Variants in CDH13 observed in about 807,000 individuals in gnomAD.
CDH13 encodes cadherin-13.
In CDH13, 24 loss-of-function variants were observed where a neutral mutation model predicts 63.8. That is an observed-to-expected ratio of 0.38 (90% CI 0.27 to 0.53). The LOEUF (loss-of-function observed/expected upper bound fraction) is 0.53, where lower values mean the gene tolerates loss of function less well. Ranked by LOEUF, CDH13 falls within the 20% of genes least tolerant of loss-of-function variation. CDH13 has a pLI of 0.85. For synonymous variants in CDH13, 503 were observed against 355.3 expected, an observed-to-expected ratio of 1.42 and a Z score of -4.67; for missense variants, 1,049 against 903.1, an observed-to-expected ratio of 1.16 and a Z score of -2.07.
At chr16:83,239,488 C>T (rs55888754) in intron 5 of CDH13, among the ~76,000 whole-genome samples, 1 of 152,150 alleles carries the variant, frequency 6.6e-6, no homozygotes, top group African/African-American at 2.4e-5. Flanking sequence ...CTTCGCCAGC[C>T]ACCAAGCTGG....
In CDH13 at chr16:82,710,552, AATATATAT is replaced by A. The variant is rs1555537840; in HGVS notation, c.45+83433_45+83440del. Among the ~76,000 whole-genome samples the A allele has an allele frequency of 2.1e-3, 137 of 63,782 alleles. 3 individuals are homozygous for A. The highest frequency in any genetic ancestry group is 5.7e-3 in the African/African-American group (99 of 17,244). 41.8% of individuals were successfully genotyped at this position (63,782 alleles called of 152,430 possible). ...TGTCTCAAAAAAAAAAAAAAAAAAA[AATATATAT>A]ATATATATATATATATAAATATATT... is the stretch of plus-strand genomic sequence containing the variant. On this transcript the variant is annotated intron_variant, in intron 1 of 13. Coordinates refer to ENST00000567109, the MANE Select transcript of CDH13 (RefSeq NM_001257.5).
At chr16:83,166,925 C>T (rs760159557) in intron 4 of CDH13, among the ~76,000 whole-genome samples, 4 of 152,128 alleles carry the variant, frequency 2.6e-5, no homozygotes, top group Non-Finnish European at 5.9e-5. Flanking sequence ...TTGCCTGTTG[C>T]ACCTCACAAT....
chr16:82,872,695 C>T (rs1162634478), intron 2 of CDH13, among the ~76,000 whole-genome samples: 1 of 152,122 alleles, frequency 6.6e-6, no homozygotes, highest in Non-Finnish European at 1.5e-5. Context: ...GGTACAAATG[C>T]TTGCCAGTCA....
At chr16:82,703,014 C>T (rs1306204438) in intron 1 of CDH13, among the ~76,000 whole-genome samples, 1 of 152,132 alleles carries the variant, frequency 6.6e-6, no homozygotes, top group African/African-American at 2.4e-5. Context: ...AGCACACAGC[C>T]AGTGAGTGCT....
chr16:82,966,485 G>C (rs910197173), intron 2 of CDH13, among the ~76,000 whole-genome samples: 1 of 152,202 alleles, frequency 6.6e-6, no homozygotes, highest in Non-Finnish European at 1.5e-5. Flanking sequence ...CTGAGGCTCA[G>C]AGATGCTAAA....
chr16:83,217,595 A>T, intron 5 of CDH13, 98 bp downstream of exon 5: 1 of 1,272,614 alleles, frequency 7.9e-7, no homozygotes. Context: ...GCCTCATCAA[A>T]CCCGGGACTG....
chr16:83,228,348 G>C (rs2039903381), intron 5 of CDH13, among the ~76,000 whole-genome samples: 1 of 152,208 alleles, frequency 6.6e-6, no homozygotes, highest in African/African-American at 2.4e-5. Context: ...TGGCCACTCA[G>C]AGGGTCTAAA....
At chr16:82,693,914 A>T (rs1597341188) in intron 1 of CDH13, among the ~76,000 whole-genome samples, 1 of 152,316 alleles carries the variant, frequency 6.6e-6, no homozygotes, top group South Asian at 2.1e-4. Context: ...CTCATCTGTG[A>T]TTTAATGGGA....
intron 8 of CDH13, among the ~76,000 whole-genome samples, chr16:83,620,356 A>C (rs913262069): frequency 6.9e-6 from 1 of 145,840 alleles, no homozygotes; most frequent in African/African-American, 2.5e-5. Flanking sequence ...GCACCACTGC[A>C]CTACAACCTG....
chr16:83,237,497 C>A (rs1904275414), intron 5 of CDH13, among the ~76,000 whole-genome samples: 2 of 152,212 alleles, frequency 1.3e-5, no homozygotes, highest in Admixed American at 6.5e-5. Flanking sequence ...GATAGTAGTC[C>A]ACGTGGTGAC....
chr16:82,839,844 C>T (rs1348748513), intron 1 of CDH13, among the ~76,000 whole-genome samples: 1 of 152,152 alleles, frequency 6.6e-6, no homozygotes, highest in East Asian at 1.9e-4. Context: ...AATTGTAGTA[C>T]AGGAGAGGTA....
chr16:83,063,459 A>G lies in CDH13; in HGVS notation c.366+31241A>G, dbSNP rs900129231. 7.9e-5 allele frequency among the ~76,000 whole-genome samples: 12 copies of G among 152,184 alleles called. No homozygotes were observed. The East Asian group carries it at 2.1e-3, about 27-fold the overall frequency. On this transcript the variant is annotated intron_variant, in intron 3 of 13. Transcript: ENST00000567109. ...GAAGATTGGCAAGGAATGTGCAGCC[A>G]TTTTCAAACCACCCCGCAGAGAGAA...
intron 4 of CDH13, among the ~76,000 whole-genome samples, chr16:83,187,449 G>A (rs2038560423): frequency 6.6e-6 from 1 of 152,002 alleles, no homozygotes; most frequent in Non-Finnish European, 1.5e-5. Context: ...TTGAGGCAAA[G>A]GTGACTATTC....
At chr16:83,654,876 A>C (rs1217847731) in intron 8 of CDH13, 1 of 152,138 alleles carries the variant, frequency 6.6e-6, no homozygotes. Context: ...GGTGGCTCAA[A>C]ACTGTGGCTC....
chr16:83,031,034 T>C (rs1056700060), intron 2 of CDH13, among the ~76,000 whole-genome samples: 1 of 151,320 alleles, frequency 6.6e-6, no homozygotes, highest in East Asian at 2.0e-4. Flanking sequence ...GGCAAGAAAA[T>C]GTGGCCCACT....
chr16:83,480,813 A>T (rs1425003577), intron 6 of CDH13, among the ~76,000 whole-genome samples: 1 of 152,192 alleles, frequency 6.6e-6, no homozygotes, highest in African/African-American at 2.4e-5. Flanking sequence ...TTAGTTTCCA[A>T]TGAGAATCGT....
At chr16:83,464,652 A>T (rs571029093) in intron 6 of CDH13, among the ~76,000 whole-genome samples, 1 of 152,122 alleles carries the variant, frequency 6.6e-6, no homozygotes, top group African/African-American at 2.4e-5. Flanking sequence ...GAGCCACCAC[A>T]CCTGGCCCTC....
chr16:82,731,931 C>T (rs1319775779), intron 1 of CDH13, among the ~76,000 whole-genome samples: 1 of 152,142 alleles, frequency 6.6e-6, no homozygotes, highest in African/African-American at 2.4e-5. Context: ...CTTTAGCTTC[C>T]AGGCCTTTGA....
At chr16:83,664,753 A>T (rs1913776898) in intron 8 of CDH13, among the ~76,000 whole-genome samples, 1 of 152,184 alleles carries the variant, frequency 6.6e-6, no homozygotes, top group East Asian at 1.9e-4. Context: ...TTACCTGGAA[A>T]TTAAATCATG....
Sources: gnomAD v4.1 joint callset for allele counts (sites outside exome capture counted in the v4.1 genomes callset) on GRCh38, gnomAD v4.1.1 for gene constraint, MANE v1.5 for transcripts, NCBI Gene and HGNC (gene_info 2026-07-23, HGNC 2026-07-21) for gene names.